MAN2B1: variants seen among roughly 807,000 people sequenced by gnomAD.
MAN2B1 encodes mannosidase alpha class 2B member 1, also known as lysosomal alpha-mannosidase.
A neutral mutation model predicts 127.5 loss-of-function variants in MAN2B1; 99 were observed. The ratio of observed to expected loss-of-function variants is 0.78; its 90% CI spans 0.66 to 0.92. MAN2B1 has a LOEUF of 0.92. MAN2B1 is among the 40% of genes least tolerant of loss of function. MAN2B1 has a pLI of 0.00. For synonymous variants in MAN2B1, 573 were observed against 568.8 expected (o/e 1.01, Z -0.11); for missense variants, 1,304 against 1,384.8 (o/e 0.94, Z 0.93).
In MAN2B1 at chr19:12,655,876, C is replaced by G; in HGVS notation, c.1648G>C (p.Val550Leu). 1.9e-6 allele frequency: 3 copies of G among 1,613,492 alleles called. No homozygotes were observed. The highest frequency in any genetic ancestry group is 2.5e-6 in the Non-Finnish European group (3 of 1,179,844). The change falls in exon 14 of 24, where the codon GTA becomes CTA. Residue 550 changes from valine to leucine, a missense_variant. Val to Leu is a conservative substitution (Grantham distance 32). Coordinates refer to ENST00000456935, the MANE Select transcript of MAN2B1 (RefSeq NM_000528.4). ...TGGCTGTCTGAGCTGGGAAATATTA[C>G]CACCTCGGATAAAGGAGGAGGGAAA... Reference protein sequence around the residue: ...PNGRTVPSDVVIFPSSDSQAH... With the variant: ...PNGRTVPSDVLIFPSSDSQAH...
intron 6 of MAN2B1, among the ~76,000 whole-genome samples, chr19:12,662,350 G>A (rs932822195): frequency 6.6e-6 from 1 of 151,930 alleles, no homozygotes; most frequent in East Asian, 1.9e-4. Flanking sequence ...AATGTTAAAG[G>A]CTGGACGCGG....
At position 12,647,764 on chromosome 19, in the gene MAN2B1, T is replaced by C; in HGVS notation, c.2665-166A>G. On this transcript the variant is annotated intron_variant, in intron 21 of 23. Transcript: ENST00000456935. The surrounding 1 kb of genome is among the most constrained non-coding windows in gnomAD (Gnocchi z 4.9). ...CGGCCAGGGCCGTGACAGGGAGGAC[T>C]GAGCCAATGGGGAGATGGGTCGGTC... 4.8e-6 allele frequency: 3 copies of C among 631,218 alleles called. No individual in the cohort carries two copies. The highest frequency in any genetic ancestry group is 3.9e-5 in the South Asian group (2 of 51,512). 39.1% of individuals were successfully genotyped at this position (631,218 alleles called of 1,614,324 possible). A position where few individuals can be genotyped will look rare whatever the true frequency, so the allele number is the denominator to read the frequency against.
chr19:12,658,187 G>C, intron 9 of MAN2B1, 37 bp downstream of exon 9: 1 of 1,613,738 alleles, frequency 6.2e-7, no homozygotes, highest in Non-Finnish European at 8.5e-7. Context: ...GTCGGGCCTC[G>C]GGGCTGCATG....
At chr19:12,655,626 C>T in intron 14 of MAN2B1, 68 bp downstream of exon 14, 1 of 1,520,048 alleles carries the variant, frequency 6.6e-7, no homozygotes, top group East Asian at 2.3e-5. Flanking sequence ...ACCCAGAGTC[C>T]ACACAGCTCA....
At chr19:12,646,989 G>C (rs1352572935) in intron 23 of MAN2B1, 1 of 607,694 alleles carries the variant, frequency 1.6e-6, no homozygotes, top group Non-Finnish European at 2.9e-6. Context: ...CCCAGAACTA[G>C]ACATGGATGG....
intron 14 of MAN2B1, 42 bp downstream of exon 14, chr19:12,655,652 T>A (rs762564359): frequency 8.9e-5 from 141 of 1,587,030 alleles, no homozygotes; most frequent in Non-Finnish European, 1.2e-4. Context: ...ACACTTCAAA[T>A]TTGTCACAGG....
rs1224319934 is a variant in MAN2B1, at chr19:12,655,721, C to T, written c.1803G>A (p.Trp601Ter). Residue 601 changes from tryptophan to a stop codon, truncating the protein, a stop_gained, in exon 14 of 24, where the codon TGG becomes TGA. Transcript: ENST00000456935. LOFTEE classifies it high-confidence loss of function. The stretch of plus-strand genomic sequence containing the variant: ...CATTTTCGATGGTTAAAGCAGGGGA[C>T]CAGGATCTTCTGGGGATGGGCTGTG... ...RAPQPIPRRS[W>*]SPALTIENEH... The T allele has an allele frequency of 1.9e-6, 3 of 1,609,580 alleles. No homozygotes were observed. The highest frequency in any genetic ancestry group is 2.5e-6 in the Non-Finnish European group (3 of 1,177,072).
In MAN2B1 at chr19:12,665,027, A is replaced by G. The variant is rs757805511; in HGVS notation, c.437-42T>C. On this transcript the variant is annotated intron_variant, in intron 3 of 23. Coordinates refer to ENST00000456935, the MANE Select transcript of MAN2B1 (RefSeq NM_000528.4). ...AAGGTCAGGGTCAGCGGTCAGAGCC[A>G]GGAGTGGGAGTAGGGTGGGTGATAC... The G allele has an allele frequency of 3.8e-6, 6 of 1,562,310 alleles. No homozygotes were observed. The East Asian group carries it at 6.7e-5, about 17-fold the overall frequency.
chr19:12,648,064 G>A (rs1414739047), intron 21 of MAN2B1, 111 bp downstream of exon 21: 4 of 1,150,768 alleles, frequency 3.5e-6, no homozygotes, highest in Non-Finnish European at 5.0e-6. Context: ...GAGGGTTTGG[G>A]GCTAATTATG....
At position 12,648,163 on chromosome 19, in the gene MAN2B1, G is replaced by A; in HGVS notation, c.2664+12C>T. On this transcript the variant is annotated intron_variant, in intron 21 of 23. Coordinates refer to ENST00000456935, the MANE Select transcript of MAN2B1 (RefSeq NM_000528.4). ...CAATCCGGTCCTCTCTGCCTACCCC[G>A]CTGCCCCTCACCTGCGTGCGCGGAG... 1 of 1,533,384 alleles carries A rather than the reference G, an allele frequency of 6.5e-7. No homozygotes were observed. The highest frequency in any genetic ancestry group is 8.7e-7 in the Non-Finnish European group (1 of 1,145,128). 95.0% of individuals were successfully genotyped at this position (1,533,384 alleles called of 1,614,324 possible).
At chr19:12,664,305 A>G (rs1442508580) in intron 4 of MAN2B1, among the ~76,000 whole-genome samples, 2 of 152,198 alleles carry the variant, frequency 1.3e-5, no homozygotes, top group Non-Finnish European at 2.9e-5. Context: ...TTCAGAACTC[A>G]CCACCTTGGG....
intron 12 of MAN2B1, 65 bp downstream of exon 12, chr19:12,656,884 A>C (rs2023974745): frequency 7.4e-7 from 1 of 1,349,298 alleles, no homozygotes; most frequent in Non-Finnish European, 1.1e-6. Flanking sequence ...TCCTCCAAAA[A>C]CATTTTCCAA....
Position 12,660,285 on chromosome 19 carries a change from C to A in MAN2B1, c.1026+975G>T, listed in dbSNP as rs573785239. On this transcript the variant is annotated intron_variant, in intron 7 of 23. Coordinates refer to ENST00000456935, the MANE Select transcript of MAN2B1 (RefSeq NM_000528.4). The stretch of plus-strand genomic sequence containing the variant: ...CCTTGGGAGGCCGAGCGGGGTGGAT[C>A]ACGAGGTCAAGAAATCGAGACCATC... Among the ~76,000 whole-genome samples, 14 of 152,268 alleles carry A rather than the reference C, an allele frequency of 9.2e-5. No homozygotes were observed. The South Asian group carries it at 2.7e-3, about 29-fold the overall frequency.
intron 20 of MAN2B1, 125 bp downstream of exon 20, chr19:12,649,011 A>C: frequency 1.3e-6 from 1 of 790,648 alleles, no homozygotes; most frequent in African/African-American, 1.7e-5. Context: ...GAAGAAAAGA[A>C]AGAAACGGAG....
intron 10 of MAN2B1, chr19:12,657,830 C>T (rs2024005391): frequency 4.9e-6 from 3 of 614,680 alleles, no homozygotes; most frequent in South Asian, 2.0e-5. Context: ...TGGTGGGCGC[C>T]TGTAGTCCCA....
rs961621873 is a variant in MAN2B1 at position 12,663,321 on chromosome 19, G to A, written c.905C>T (p.Ala302Val). The A allele has an allele frequency of 1.2e-6, 2 of 1,614,160 alleles. No individual in the cohort carries two copies. The highest frequency in any genetic ancestry group is 1.7e-5 in the Admixed American group (1 of 59,998). The change falls in exon 6 of 24, where the codon GCC becomes GTC. Residue 302 changes from alanine (A) to valine (V), a missense_variant. Physicochemically the swap from Ala to Val is moderately conservative, Grantham distance 64. Coordinates refer to ENST00000456935, the MANE Select transcript of MAN2B1 (RefSeq NM_000528.4). ...GGTTCTGGACACCAGGGTTACCTGG[G>A]CAGTGGCCACATTTAGGAAGTAATC... ...LVDYFLNVAT[A>V]QGRYYRTNHT...
At chr19:12,656,416 G>A in intron 13 of MAN2B1, 155 bp downstream of exon 13, 2 of 651,202 alleles carry the variant, frequency 3.1e-6, no homozygotes, top group Non-Finnish European at 5.5e-6. Flanking sequence ...AGGGGAGACT[G>A]ATATTAAGGG....
At chr19:12,654,129 G>A (rs1183358786) in intron 14 of MAN2B1, among the ~76,000 whole-genome samples, 3 of 148,614 alleles carry the variant, frequency 2.0e-5, no homozygotes, top group Non-Finnish European at 3.0e-5. Context: ...TGCAAGCTCC[G>A]CCTTCCGGGT....
At chr19:12,663,527 C>A (rs1568307126) in intron 5 of MAN2B1, 65 bp from the exon 6 acceptor site, 4 of 1,599,048 alleles carry the variant, frequency 2.5e-6, no homozygotes, top group Non-Finnish European at 3.4e-6. Context: ...TCAAAGCCGG[C>A]CATGTCCCAC....
Sources: allele counts gnomAD v4.1 joint callset (sites outside exome capture counted in the v4.1 genomes callset), GRCh38; gene constraint gnomAD v4.1.1; non-coding constraint Gnocchi (gnomAD v3.1); transcripts MANE v1.5; gene names NCBI Gene and HGNC (gene_info 2026-07-23, HGNC 2026-07-21).